The following PPP1R12B variants were observed in gnomAD, a reference collection of about 807,000 sequenced individuals.
PPP1R12B encodes myosin phosphatase target subunit 2.
PPP1R12B carries 76 observed loss-of-function variants against 126.1 expected under a neutral mutation model. That is an observed-to-expected ratio of 0.60 (90% CI 0.50 to 0.73). PPP1R12B has a LOEUF of 0.73. PPP1R12B is among the 30% of genes least tolerant of loss of function. The pLI, the probability that PPP1R12B is intolerant of heterozygous loss-of-function variation, is 0.00. For synonymous variants in PPP1R12B, 356 were observed against 434.7 expected (o/e 0.82, Z 2.25); for missense variants, 1,052 against 1,205.1 (o/e 0.87, Z 1.88).
intron 13 of PPP1R12B, among the ~76,000 whole-genome samples, chr1:202,474,419 A>T (rs1676364271): frequency 6.6e-6 from 1 of 151,890 alleles, no homozygotes; most frequent in South Asian, 2.1e-4. Context: ...GGTAGCTAGG[A>T]TTACAGGTGT....
chr1:202,535,723 A>G (rs538118517), intron 18 of PPP1R12B, among the ~76,000 whole-genome samples: 1 of 152,356 alleles, frequency 6.6e-6, no homozygotes, highest in South Asian at 2.1e-4. Context: ...TTTCTAAACA[A>G]GTGGCTGTTT....
intron 18 of PPP1R12B, among the ~76,000 whole-genome samples, chr1:202,533,069 A>G (rs571030589): frequency 6.6e-6 from 1 of 151,918 alleles, no homozygotes; most frequent in South Asian, 2.1e-4. Flanking sequence ...GGGTTTCTCC[A>G]TGTTGGTCAG....
At position 202,588,090 on chromosome 1, in the gene PPP1R12B, A is replaced by ACACT. The variant is rs1243761026; in HGVS notation, c.*7533_*7536dup. ...CAGCCTGTGCTCAGTTGAGTGGTTC[A>ACACT]CACTCAGACTTTGGCTTTATGGTTT... On this transcript the variant is annotated 3_prime_UTR_variant, in exon 24 of 24. Transcript: ENST00000608999. 6 of 152,466 alleles carry ACACT rather than the reference A, an allele frequency of 3.9e-5. No individual in the cohort carries two copies. The highest frequency in any genetic ancestry group is 7.2e-5 in the African/African-American group (3 of 41,456). 9.4% of individuals were successfully genotyped at this position (152,466 alleles called of 1,614,324 possible). A position where few individuals can be genotyped will look rare whatever the true frequency, so the allele number is the denominator to read the frequency against.
Position 202,580,681 on chromosome 1 carries a change from A to G in PPP1R12B, c.*121A>G, listed in dbSNP as rs1689499521. ...TTTTGGTGGAAGGACACTTCTTTCT[A>G]TCACCCTCTTCAGTCACCTCTATAC... On this transcript the variant is annotated 3_prime_UTR_variant, in exon 24 of 24. Transcript: ENST00000608999. 3.8e-6 allele frequency: 3 copies of G among 795,148 alleles called. No homozygotes were observed. The highest frequency in any genetic ancestry group is 2.7e-5 in the East Asian group (1 of 37,418). The allele number at this position is 795,148 out of a possible 1,614,324, so 49.3% of individuals were successfully genotyped here. A position where few individuals can be genotyped will look rare whatever the true frequency, so the allele number is the denominator to read the frequency against.
chr1:202,450,766 T>A (rs1672827143), intron 13 of PPP1R12B, among the ~76,000 whole-genome samples: 1 of 152,230 alleles, frequency 6.6e-6, no homozygotes, highest in Non-Finnish European at 1.5e-5. Flanking sequence ...TTATAATAGC[T>A]TTGTGGTATC....
At position 202,481,736 on chromosome 1, in the gene PPP1R12B, A is replaced by G. The variant is rs77155802; in HGVS notation, c.1851-6797A>G. On this transcript the variant is annotated intron_variant, in intron 13 of 23. Coordinates refer to ENST00000608999, the MANE Select transcript of PPP1R12B (RefSeq NM_002481.4). ...TCATTTCCTTGTGGTAAGAACATTC[A>G]AAAGCATCTCTTTTACCTATTTTGT... is the stretch of plus-strand genomic sequence containing the variant. Among the ~76,000 whole-genome samples, 1,238 of 152,338 alleles carry G rather than the reference A, an allele frequency of 8.1e-3. 8 individuals carry two copies. The highest frequency in any genetic ancestry group is 0.014 in the Non-Finnish European group (951 of 68,024).
intron 23 of PPP1R12B, 61 bp from the exon 24 acceptor site, chr1:202,580,413 A>G: frequency 7.3e-7 from 1 of 1,374,560 alleles, no homozygotes; most frequent in Non-Finnish European, 1.0e-6. Context: ...TGGCCTGGTC[A>G]GGGAGGGCCA....
intron 2 of PPP1R12B, among the ~76,000 whole-genome samples, chr1:202,422,031 G>A (rs1468709635): frequency 6.6e-6 from 1 of 152,264 alleles, no homozygotes; most frequent in East Asian, 1.9e-4. Context: ...AATCAAAAAG[G>A]ATCTATGTAA....
chr1:202,398,569 C>T (rs1312623119), intron 1 of PPP1R12B, among the ~76,000 whole-genome samples: 1 of 152,116 alleles, frequency 6.6e-6, no homozygotes, highest in Non-Finnish European at 1.5e-5. Flanking sequence ...TTTTAAGAGA[C>T]AGTGTGCCAG....
intron 13 of PPP1R12B, among the ~76,000 whole-genome samples, chr1:202,455,229 A>T (rs1269020991): frequency 6.6e-6 from 1 of 152,080 alleles, no homozygotes; most frequent in East Asian, 1.9e-4. Flanking sequence ...GAGAATTCAC[A>T]TACCATACAA....
intron 18 of PPP1R12B, among the ~76,000 whole-genome samples, chr1:202,553,846 C>T (rs1340668610): frequency 6.6e-6 from 1 of 152,104 alleles, no homozygotes; most frequent in African/African-American, 2.4e-5. Context: ...ATGTCACTTC[C>T]TGGCTCACTG....
At chr1:202,489,454 A>G (rs1678581256) in intron 14 of PPP1R12B, among the ~76,000 whole-genome samples, 1 of 152,260 alleles carries the variant, frequency 6.6e-6, no homozygotes, top group Non-Finnish European at 1.5e-5. Flanking sequence ...AAAAGTAAAA[A>G]TAAGCCAAAT....
chr1:202,505,847 T>C (rs538380080), intron 18 of PPP1R12B, among the ~76,000 whole-genome samples: 11 of 152,306 alleles, frequency 7.2e-5, no homozygotes, highest in African/African-American at 2.4e-4. Context: ...TTAACCTGTT[T>C]AGGCAGATTT....
At chr1:202,374,807 G>A (rs1660896771) in intron 1 of PPP1R12B, among the ~76,000 whole-genome samples, 1 of 152,104 alleles carries the variant, frequency 6.6e-6, no homozygotes, top group Admixed American at 6.5e-5. Context: ...GCCTCCCAAA[G>A]TGCTAGGATT....
intron 14 of PPP1R12B, 62 bp downstream of exon 14, chr1:202,488,685 C>CA: frequency 7.5e-7 from 1 of 1,334,522 alleles, no homozygotes; most frequent in East Asian, 2.4e-5. Context: ...GAGGTACAAT[C>CA]AAAACACACT....
At chr1:202,448,818 G>A (rs1672576690) in intron 12 of PPP1R12B, among the ~76,000 whole-genome samples, 171 bp from the exon 13 acceptor site, 1 of 152,180 alleles carries the variant, frequency 6.6e-6, no homozygotes, top group Non-Finnish European at 1.5e-5. Context: ...GACTAAACAT[G>A]TAATTATACT....
intron 10 of PPP1R12B, chr1:202,439,755 G>A (rs1051860039): frequency 1.9e-6 from 1 of 527,298 alleles, no homozygotes; most frequent in African/African-American, 2.0e-5. Context: ...GGAATGCGCA[G>A]AGTGAGGGGG....
intron 13 of PPP1R12B, among the ~76,000 whole-genome samples, chr1:202,480,317 G>A (rs1401591513): frequency 2.6e-5 from 4 of 152,164 alleles, no homozygotes; most frequent in East Asian, 3.9e-4. Context: ...AAAATATCCA[G>A]AATGAAGCAC....
chr1:202,536,988 A>G (rs1412896240), intron 18 of PPP1R12B, among the ~76,000 whole-genome samples: 13 of 152,230 alleles, frequency 8.5e-5, no homozygotes, highest in Admixed American at 8.5e-4. Context: ...TTTTACAGTT[A>G]ACGTTTTTAT....
Sources: gnomAD v4.1 joint callset for allele counts (sites outside exome capture counted in the v4.1 genomes callset) on GRCh38, gnomAD v4.1.1 for gene constraint, MANE v1.5 for transcripts, NCBI Gene and HGNC (gene_info 2026-07-23, HGNC 2026-07-21) for gene names.